ZNF407: variants seen among roughly 807,000 people sequenced by gnomAD.
ZNF407 encodes zinc finger protein 407.
ZNF407 carries 17 observed loss-of-function variants against 131.2 expected under a neutral mutation model. The ratio of observed to expected loss-of-function variants is 0.13; its 90% CI spans 0.09 to 0.19. ZNF407 has a LOEUF of 0.19. Among genes scored for constraint, ZNF407 ranks in the 10% least tolerant of loss-of-function variants. The pLI, the probability that ZNF407 is intolerant of heterozygous loss-of-function variation, is 1.00. For synonymous variants in ZNF407, 1,156 were observed against 1,062.0 expected, an observed-to-expected ratio of 1.09 and a Z score of -1.72; for missense variants, 2,681 against 2,830.6, an observed-to-expected ratio of 0.95 and a Z score of 1.20.
intron 4 of ZNF407, among the ~76,000 whole-genome samples, chr18:74,785,460 A>C (rs577083381): frequency 6.6e-6 from 1 of 152,144 alleles, no homozygotes; most frequent in South Asian, 2.1e-4. Context: ...GATGAGTCAA[A>C]TCTTTACCCC....
chr18:74,743,376 T>G (rs1474027579), intron 3 of ZNF407, among the ~76,000 whole-genome samples: 1 of 152,182 alleles, frequency 6.6e-6, no homozygotes, highest in Admixed American at 6.6e-5. Flanking sequence ...TGTGTGTGTG[T>G]GTGTATTTTC....
intron 4 of ZNF407, among the ~76,000 whole-genome samples, chr18:74,851,436 C>T (rs1333178053): frequency 6.6e-6 from 1 of 152,088 alleles, no homozygotes; most frequent in African/African-American, 2.4e-5. Flanking sequence ...TGAGTGGTTA[C>T]ACATTTATGT....
At chr18:74,669,863 A>G (rs1394778760) in intron 3 of ZNF407, among the ~76,000 whole-genome samples, 2 of 152,262 alleles carry the variant, frequency 1.3e-5, no homozygotes, top group African/African-American at 2.4e-5. Context: ...AGAATTGTGC[A>G]AAGTAGAATT....
chr18:74,851,648 C>G (rs1344672633), intron 4 of ZNF407, among the ~76,000 whole-genome samples: 2 of 152,082 alleles, frequency 1.3e-5, no homozygotes, highest in Non-Finnish European at 2.9e-5. Context: ...CTACTGAACA[C>G]AAATATTGTT....
chr18:74,860,941 T>G (rs1970929600), intron 4 of ZNF407, among the ~76,000 whole-genome samples: 1 of 152,210 alleles, frequency 6.6e-6, no homozygotes, highest in Non-Finnish European at 1.5e-5. Context: ...GCTTTATTTC[T>G]GAATGATTTC....
At chr18:75,017,402 C>T (rs1973057544) in intron 8 of ZNF407, among the ~76,000 whole-genome samples, 1 of 152,056 alleles carries the variant, frequency 6.6e-6, no homozygotes, top group Non-Finnish European at 1.5e-5. Context: ...TTTCCAATCC[C>T]CACATGACCC....
intron 3 of ZNF407, among the ~76,000 whole-genome samples, chr18:74,777,325 A>G (rs1969493202): frequency 6.6e-6 from 1 of 152,154 alleles, no homozygotes; most frequent in Non-Finnish European, 1.5e-5. Flanking sequence ...GATACTTGTA[A>G]GTCGATCAAT....
At chr18:74,979,104 G>T (rs1228507682) in intron 8 of ZNF407, among the ~76,000 whole-genome samples, 3 of 152,060 alleles carry the variant, frequency 2.0e-5, no homozygotes, top group Non-Finnish European at 2.9e-5. Context: ...TAGAATTAGC[G>T]ACACCTGGGT....
chr18:74,825,884 G>A (rs1199491123), intron 4 of ZNF407, among the ~76,000 whole-genome samples: 1 of 152,198 alleles, frequency 6.6e-6, no homozygotes, highest in African/African-American at 2.4e-5. Context: ...TATTGTCACA[G>A]GAACCCAGTA....
At position 74,631,933 on chromosome 18, in the gene ZNF407, C is replaced by G. The variant is rs373035128; in HGVS notation, c.914C>G (p.Pro305Arg). 55 of 1,613,804 alleles carry G rather than the reference C, an allele frequency of 3.4e-5. No homozygotes were observed. The African/African-American group carries it at 6.3e-4, about 18-fold the overall frequency. Residue 305 changes from proline (P) to arginine (R), a missense_variant, in exon 2 of 9, where the codon CCA becomes CGA. Physicochemically the swap from Pro to Arg is moderately radical, Grantham distance 103. Transcript: ENST00000299687. The stretch of plus-strand genomic sequence containing the variant: ...GCAACAAAAAATGTTCACTCAAAAC[C>G]AAGAACTTCTAAATCAATAGCAAAG... ...TMATKNVHSK[P>R]RTSKSIAKNS...
intron 3 of ZNF407, among the ~76,000 whole-genome samples, chr18:74,666,722 G>A (rs756323914): frequency 7.9e-5 from 12 of 152,142 alleles, no homozygotes; most frequent in Non-Finnish European, 1.2e-4. Flanking sequence ...AGCTTACCAC[G>A]CACCCAGTTC....
intron 3 of ZNF407, among the ~76,000 whole-genome samples, chr18:74,698,037 T>C (rs1967399715): frequency 6.6e-6 from 1 of 152,210 alleles, no homozygotes; most frequent in Non-Finnish European, 1.5e-5. Flanking sequence ...TTTGATTACA[T>C]TTATTCATTG....
intron 4 of ZNF407, among the ~76,000 whole-genome samples, chr18:74,866,220 C>G (rs1304471625): frequency 1.3e-5 from 2 of 152,136 alleles, no homozygotes; most frequent in African/African-American, 2.4e-5. Context: ...CTTGGTGATG[C>G]TCCAGTGCAC....
intron 8 of ZNF407, among the ~76,000 whole-genome samples, chr18:74,952,679 T>C (rs1399930190): frequency 1.3e-5 from 2 of 152,256 alleles, no homozygotes; most frequent in African/African-American, 2.4e-5. Flanking sequence ...AACAGTTTTA[T>C]TGAGGCATAA....
chr18:74,789,638 C>T (rs1004347068), intron 4 of ZNF407, among the ~76,000 whole-genome samples: 3 of 152,100 alleles, frequency 2.0e-5, no homozygotes, highest in African/African-American at 4.8e-5. Flanking sequence ...CAGTGCAGAG[C>T]CCAGGGAAAG....
intron 4 of ZNF407, among the ~76,000 whole-genome samples, chr18:74,824,915 A>C (rs920627644): frequency 6.6e-6 from 1 of 152,066 alleles, no homozygotes; most frequent in African/African-American, 2.4e-5. Context: ...AACAACAAAA[A>C]AAGTTCAGGC....
chr18:74,960,456 A>G (rs1416802226), intron 8 of ZNF407, among the ~76,000 whole-genome samples: 2 of 146,062 alleles, frequency 1.4e-5, no homozygotes, highest in Admixed American at 6.8e-5. Flanking sequence ...GTGGAGGGAT[A>G]GGAGAAGGTC....
chr18:74,983,059 C>T (rs1276564835), intron 8 of ZNF407, among the ~76,000 whole-genome samples: 1 of 152,172 alleles, frequency 6.6e-6, no homozygotes, highest in Non-Finnish European at 1.5e-5. Context: ...AAAAACCAAG[C>T]CAACTAGTTA....
intron 3 of ZNF407, among the ~76,000 whole-genome samples, chr18:74,775,646 G>A (rs1419013912): frequency 6.6e-6 from 1 of 152,164 alleles, no homozygotes; most frequent in Non-Finnish European, 1.5e-5. Flanking sequence ...AAATTCCCAT[G>A]TTGATACCTG....
Sources: allele counts gnomAD v4.1 joint callset (sites outside exome capture counted in the v4.1 genomes callset), GRCh38; gene constraint gnomAD v4.1.1; transcripts MANE v1.5; gene names NCBI Gene and HGNC (gene_info 2026-07-23, HGNC 2026-07-21).